VSIG4: variants seen among roughly 807,000 people sequenced by gnomAD.
The protein encoded by VSIG4 is V-set and immunoglobulin domain-containing protein 4.
VSIG4 carries 34 observed loss-of-function variants against 23.4 expected under a neutral mutation model. The observed-to-expected ratio is 1.45, with a 90% CI of 1.10 to 1.93. The LOEUF is 1.93. Ranked by LOEUF, VSIG4 falls within the 30% of genes most tolerant of loss-of-function variation. The pLI is 0.00. For missense variants in VSIG4, 433 were observed against 310.8 expected, an observed-to-expected ratio of 1.39 and a Z score of -2.96; for synonymous variants, 169 against 120.3, an observed-to-expected ratio of 1.41 and a Z score of -2.65.
At chrX:66,038,461 A>C (rs908195245) in intron 1 of VSIG4, among the ~76,000 whole-genome samples, 4 of 98,526 alleles carry the variant, frequency 4.1e-5, no homozygotes, top group Admixed American at 2.1e-4. Flanking sequence ...AACAAGACAC[A>C]TGAGTGCTCT....
chrX:66,028,558 C>CTTT lies in VSIG4; in HGVS notation c.695-449_695-447dup, dbSNP rs34660062. Among the ~76,000 whole-genome samples, 129 of 74,230 alleles carry CTTT rather than the reference C, an allele frequency of 1.7e-3. 1 individual carries two copies. Among genetic ancestry groups the CTTT allele is most frequent in the African/African-American group, 4.9e-3 (101 of 20,795 alleles). 64.5% of individuals were successfully genotyped at this position (74,230 alleles called of 115,157 possible). A position where few individuals can be genotyped will look rare whatever the true frequency, so the allele number is the denominator to read the frequency against. On this transcript the variant is annotated intron_variant, in intron 3 of 7. Transcript: ENST00000374737. ...ATAATGCAAAATTTGACGTAATCAA[C>CTTT]TTTTTTTTTTTTTTTTTTTTTTTTT...
chrX:66,022,798 G>T (rs746244703), intron 7 of VSIG4, 43 bp downstream of exon 7: 1 of 1,209,800 alleles, frequency 8.3e-7, no homozygotes, highest in African/African-American at 1.7e-5. Flanking sequence ...CAAAATTGAG[G>T]GCAGGGACGG....
chrX:66,022,151 AGGC>A lies in VSIG4; in HGVS notation c.*109_*111del. Reference sequence around the variant, plus strand: ...GACTCCCAGCGGCTCCAGTGTTGGTAGGCGGACACTTTGGGCTATCCAGGAAGA... The same window carrying A: ...GACTCCCAGCGGCTCCAGTGTTGGTAGGACACTTTGGGCTATCCAGGAAGA... On this transcript the variant is annotated 3_prime_UTR_variant, in exon 8 of 8. Coordinates refer to ENST00000374737, the MANE Select transcript of VSIG4 (RefSeq NM_007268.3). 8.3e-7 allele frequency: 1 copy of A among 1,201,371 alleles called. No homozygotes were observed. Among genetic ancestry groups the A allele is most frequent in the Non-Finnish European group, 1.1e-6 (1 of 890,079 alleles).
At chrX:66,035,171 A>G (rs1303841881) in intron 1 of VSIG4, among the ~76,000 whole-genome samples, 3 of 111,319 alleles carry the variant, frequency 2.7e-5, no homozygotes, top group African/African-American at 9.8e-5. Context: ...ATTTTAGTCA[A>G]GAAAAAGCCC....
intron 1 of VSIG4, among the ~76,000 whole-genome samples, chrX:66,035,459 CTTTG>C (rs2085525540): frequency 1.8e-5 from 2 of 111,846 alleles, no homozygotes; most frequent in South Asian, 7.4e-4. Context: ...AAGTTCTAGG[CTTTG>C]TTTGGGTCTT....
At position 66,032,855 on chromosome X, in the gene VSIG4, T is replaced by C. The variant is rs1366800362; in HGVS notation, c.413-106A>G. 3.9e-5 allele frequency: 33 copies of C among 854,619 alleles called. No individual in the cohort carries two copies. The East Asian group carries it at 1.1e-3, about 27-fold the overall frequency. 70.4% of individuals were successfully genotyped at this position (854,619 alleles called of 1,213,427 possible). A position where few individuals can be genotyped will look rare whatever the true frequency, so the allele number is the denominator to read the frequency against. On this transcript the variant is annotated intron_variant, in intron 2 of 7. Coordinates refer to ENST00000374737, the MANE Select transcript of VSIG4 (RefSeq NM_007268.3). Reference sequence around the variant, plus strand: ...GTAAGGGCATGCATATATCTGCAACTGGAACTAAAGGGGGCTTCTGACTTT... The same window carrying C: ...GTAAGGGCATGCATATATCTGCAACCGGAACTAAAGGGGGCTTCTGACTTT...
At chrX:66,027,600 A>T in intron 4 of VSIG4, 74 bp from the exon 5 acceptor site, 3 of 872,526 alleles carry the variant, frequency 3.4e-6, no homozygotes, top group Non-Finnish European at 5.0e-6. Context: ...ATGGTTGCAA[A>T]GGTTGGAGTC....
At chrX:66,028,619 C>G (rs1322068064) in intron 3 of VSIG4, among the ~76,000 whole-genome samples, 1 of 95,530 alleles carries the variant, frequency 1.0e-5, no homozygotes, top group Non-Finnish European at 2.0e-5. Context: ...TTTGCAGCAC[C>G]TTAGACAGGA....
At chrX:66,037,814 A>C (rs1226575641) in intron 1 of VSIG4, among the ~76,000 whole-genome samples, 1 of 63,537 alleles carries the variant, frequency 1.6e-5, no homozygotes, top group Non-Finnish European at 2.7e-5. Context: ...GTATATATAC[A>C]GTATTGAGCT....
At chrX:66,037,579 A>T (rs1409394060) in intron 1 of VSIG4, among the ~76,000 whole-genome samples, 14 of 73,492 alleles carry the variant, frequency 1.9e-4, no homozygotes, top group Non-Finnish European at 3.3e-4. Flanking sequence ...TTATTATATT[A>T]TATTACTTCC....
At chrX:66,026,228 T>C (rs1401939667) in intron 5 of VSIG4, among the ~76,000 whole-genome samples, 1 of 111,966 alleles carries the variant, frequency 8.9e-6, no homozygotes, top group African/African-American at 3.2e-5. Flanking sequence ...GATTTGTTGC[T>C]GCAACTGGCT....
chrX:66,028,431 A>T (rs1288410783), intron 3 of VSIG4, among the ~76,000 whole-genome samples: 1 of 111,111 alleles, frequency 9.0e-6, no homozygotes, highest in Non-Finnish European at 1.9e-5. Context: ...TTCTCTTGAG[A>T]GAAACTTGGG....
chrX:66,036,423 G>C (rs1245314069), intron 1 of VSIG4, among the ~76,000 whole-genome samples: 3 of 104,346 alleles, frequency 2.9e-5, no homozygotes, highest in African/African-American at 1.0e-4. Context: ...AGCCCCTAAT[G>C]AGAGCAGGAG....
chrX:66,027,879 A>G (rs189585201), intron 4 of VSIG4, among the ~76,000 whole-genome samples, 171 bp downstream of exon 4: 6 of 112,424 alleles, frequency 5.3e-5, no homozygotes, highest in Admixed American at 3.8e-4. Context: ...AAAAAAGAGT[A>G]TATATTCATC....
chrX:66,036,780 TATTATATATA>T (rs1291716867), intron 1 of VSIG4, among the ~76,000 whole-genome samples: 2 of 40,730 alleles, frequency 4.9e-5, no homozygotes, highest in African/African-American at 2.5e-4. Context: ...TATTATATTA[TATTATATATA>T]ATATAATATA....
At chrX:66,037,262 T>C (rs866664320) in intron 1 of VSIG4, among the ~76,000 whole-genome samples, 2 of 15,669 alleles carry the variant, frequency 1.3e-4, no homozygotes, top group South Asian at 8.8e-3. Flanking sequence ...TAATATATAT[T>C]ATATAATAAT....
rs1033499439 is a variant in VSIG4 at position 66,022,875 on chromosome X, G to T, written c.941-13C>A. 5.8e-6 allele frequency: 7 copies of T among 1,210,936 alleles called. No individual in the cohort carries two copies. Among genetic ancestry groups the T allele is most frequent in the Non-Finnish European group, 6.7e-6 (6 of 894,734 alleles). Reference sequence around the variant, plus strand: ...TCGTAGACATGCTCTAGAAAAAAAGGAGGAATCATGTCAGAAGTTTTCATG... The same window carrying T: ...TCGTAGACATGCTCTAGAAAAAAAGTAGGAATCATGTCAGAAGTTTTCATG... On this transcript the variant is annotated splice_polypyrimidine_tract_variant and intron_variant, in intron 6 of 7. Coordinates refer to ENST00000374737, the MANE Select transcript of VSIG4 (RefSeq NM_007268.3).
At chrX:66,023,681 C>T (rs1490210696) in intron 6 of VSIG4, among the ~76,000 whole-genome samples, 1 of 111,903 alleles carries the variant, frequency 8.9e-6, no homozygotes, top group African/African-American at 3.3e-5. Context: ...TAAATTGATG[C>T]TCTGAGGCTG....
chrX:66,023,228 A>G (rs994679671), intron 6 of VSIG4, among the ~76,000 whole-genome samples: 1 of 109,715 alleles, frequency 9.1e-6, no homozygotes, highest in African/African-American at 3.3e-5. Context: ...CTTGACTGTC[A>G]GGCCACATAC....
Sources: allele counts gnomAD v4.1 joint callset (sites outside exome capture counted in the v4.1 genomes callset), GRCh38; gene constraint gnomAD v4.1.1; transcripts MANE v1.5; gene names NCBI Gene and HGNC (gene_info 2026-07-23, HGNC 2026-07-21).